Variants in SLC1A2 observed in about 807,000 individuals in gnomAD.
The protein encoded by SLC1A2 is excitatory amino acid transporter 2.
Under a neutral mutation model 48.8 loss-of-function variants are expected in SLC1A2, and 15 were observed. That is an observed-to-expected ratio of 0.31 (90% CI 0.21 to 0.47). SLC1A2 has a LOEUF of 0.47. SLC1A2 is among the 20% of genes least tolerant of loss of function. The pLI is 0.99. For synonymous variants in SLC1A2, 279 were observed against 272.6 expected, an observed-to-expected ratio of 1.02 and a Z score of -0.23; for missense variants, 502 against 730.5, an observed-to-expected ratio of 0.69 and a Z score of 3.61.
intron 9 of SLC1A2, among the ~76,000 whole-genome samples, chr11:35,275,651 T>G (rs1426119224): frequency 2.6e-5 from 4 of 152,222 alleles, no homozygotes; most frequent in Non-Finnish European, 4.4e-5. Flanking sequence ...AGGGCAGTAA[T>G]GAGGCTGGCT....
Position 35,297,166 on chromosome 11 carries a change from C to CAG in SLC1A2, c.857+4352_857+4353insCT, listed in dbSNP as rs1851201240. Among the ~76,000 whole-genome samples, 12 of 152,262 alleles carry CAG rather than the reference C, an allele frequency of 7.9e-5. 1 individual carries two copies. The South Asian group carries it at 2.5e-3, about 32-fold the overall frequency. The stretch of plus-strand genomic sequence containing the variant: ...ATAAAATCCGGTTTAGCAAAAAACT[C>CAG]ATCTAAGTCAGGTTAGCAAGAACCT... On this transcript the variant is annotated intron_variant, in intron 6 of 10. Coordinates refer to ENST00000278379, the MANE Select transcript of SLC1A2 (RefSeq NM_004171.4).
At chr11:35,264,897 T>A (rs1950454528) in intron 10 of SLC1A2, 1 of 152,424 alleles carries the variant, frequency 6.6e-6, no homozygotes, top group Admixed American at 6.5e-5. Context: ...GGGATTTCTC[T>A]TGATGTTTAA....
chr11:35,262,352 C>G (rs1950406860), intron 10 of SLC1A2, among the ~76,000 whole-genome samples: 2 of 152,148 alleles, frequency 1.3e-5, no homozygotes, highest in African/African-American at 4.8e-5. Context: ...TTTGTAAATA[C>G]TGGGGCCTAT....
intron 1 of SLC1A2, among the ~76,000 whole-genome samples, chr11:35,325,789 C>G (rs1383258131): frequency 1.3e-5 from 2 of 151,802 alleles, no homozygotes. Context: ...ATAGTGAAAC[C>G]CTGTCTCTAC....
chr11:35,276,978 G>T (rs562585301), intron 9 of SLC1A2, among the ~76,000 whole-genome samples: 1 of 152,132 alleles, frequency 6.6e-6, no homozygotes, highest in Non-Finnish European at 1.5e-5. Context: ...ACTGGTATCT[G>T]GTAAGGGCCT....
chr11:35,314,003 G>A (rs1352456219), intron 3 of SLC1A2, among the ~76,000 whole-genome samples: 3 of 152,132 alleles, frequency 2.0e-5, no homozygotes, highest in Non-Finnish European at 4.4e-5. Context: ...TCAGCTTCCT[G>A]CCCTTAACTC....
At chr11:35,275,364 A>G (rs750276034) in intron 9 of SLC1A2, among the ~76,000 whole-genome samples, 15 of 152,212 alleles carry the variant, frequency 9.9e-5, no homozygotes, top group Non-Finnish European at 1.9e-4. Context: ...AGCCAGACAC[A>G]GTTATTTATT....
At chr11:35,412,530 C>G (rs1325315529) in intron 1 of SLC1A2, among the ~76,000 whole-genome samples, 1 of 152,186 alleles carries the variant, frequency 6.6e-6, no homozygotes, top group Non-Finnish European at 1.5e-5. Context: ...GATGAGCAAA[C>G]TGTCCCACTC....
At chr11:35,296,127 C>T (rs1851165609) in intron 6 of SLC1A2, among the ~76,000 whole-genome samples, 1 of 152,232 alleles carries the variant, frequency 6.6e-6, no homozygotes. Context: ...AACCATTTAC[C>T]TTAGCTCCAA....
intron 1 of SLC1A2, among the ~76,000 whole-genome samples, chr11:35,342,553 T>TG (rs1852878257): frequency 6.6e-6 from 1 of 151,828 alleles, no homozygotes; most frequent in African/African-American, 2.4e-5. Context: ...GTTGTTTGTT[T>TG]TTTTTGCCTT....
intron 1 of SLC1A2, among the ~76,000 whole-genome samples, chr11:35,338,929 G>T (rs533667397): frequency 2.6e-5 from 4 of 152,166 alleles, no homozygotes; most frequent in African/African-American, 9.7e-5. Flanking sequence ...CAAGATGAAG[G>T]GGTCAGCATC....
intron 1 of SLC1A2, among the ~76,000 whole-genome samples, chr11:35,325,945 C>T (rs1852232481): frequency 2.0e-5 from 2 of 100,046 alleles, no homozygotes; most frequent in South Asian, 6.6e-4. Flanking sequence ...GCCTGGGCAA[C>T]AAGGGTGAAA....
chr11:35,292,898 T>A (rs888081491), intron 6 of SLC1A2, among the ~76,000 whole-genome samples: 1 of 152,270 alleles, frequency 6.6e-6, no homozygotes, highest in East Asian at 1.9e-4. Flanking sequence ...ATTTGGGAAT[T>A]TGAGCTTTTT....
intron 4 of SLC1A2, among the ~76,000 whole-genome samples, chr11:35,306,689 C>T (rs796702964): frequency 6.6e-5 from 10 of 152,220 alleles, no homozygotes; most frequent in African/African-American, 2.4e-4. Context: ...TTCCCCTTTC[C>T]CCCCACTCAC....
rs140471368 is a variant in SLC1A2 at position 35,263,102 on chromosome 11, T to G, written c.1654-2137A>C. On this transcript the variant is annotated intron_variant, in intron 10 of 10. Transcript: ENST00000278379. ...ACTGGGGACAAAGCCTTACTCCTAA[T>G]GAGCTTACTTTCTACTAATATGGAT... 1.7e-3 allele frequency among the ~76,000 whole-genome samples: 253 copies of G among 152,360 alleles called. 1 individual carries two copies. The highest frequency in any genetic ancestry group is 5.4e-3 in the African/African-American group (226 of 41,594).
At chr11:35,332,655 A>T (rs983043740) in intron 1 of SLC1A2, among the ~76,000 whole-genome samples, 14 of 152,204 alleles carry the variant, frequency 9.2e-5, no homozygotes, top group Admixed American at 3.3e-4. Context: ...GAGTTAACAC[A>T]GAAATGGCAG....
At chr11:35,354,470 CTAAA>C (rs1333778840) in intron 1 of SLC1A2, among the ~76,000 whole-genome samples, 3 of 152,074 alleles carry the variant, frequency 2.0e-5, no homozygotes, top group East Asian at 3.9e-4. Context: ...TTAAAACTAA[CTAAA>C]TAAATAAATA....
chr11:35,409,864 A>T (rs1414041851), intron 1 of SLC1A2, among the ~76,000 whole-genome samples: 1 of 152,146 alleles, frequency 6.6e-6, no homozygotes, highest in African/African-American at 2.4e-5. Flanking sequence ...AGCCGAGATC[A>T]TGCCACTGCA....
intron 7 of SLC1A2, among the ~76,000 whole-genome samples, chr11:35,287,829 T>C (rs1164712836): frequency 6.6e-6 from 1 of 152,166 alleles, no homozygotes; most frequent in Admixed American, 6.5e-5. Flanking sequence ...GGTGAGTGGA[T>C]TTGCTGCAAA....
Sources: allele counts gnomAD v4.1 joint callset (sites outside exome capture counted in the v4.1 genomes callset), GRCh38; gene constraint gnomAD v4.1.1; transcripts MANE v1.5; gene names NCBI Gene and HGNC (gene_info 2026-07-23, HGNC 2026-07-21).